The following KIF18A variants were observed in gnomAD, a reference collection of about 807,000 sequenced individuals.
KIF18A encodes the protein kinesin-like protein KIF18A.
In KIF18A, 67 loss-of-function variants were observed where a neutral mutation model predicts 103.3. The observed-to-expected ratio is 0.65, with a 90% CI of 0.53 to 0.79. The LOEUF (loss-of-function observed/expected upper bound fraction) is 0.79. Among genes scored for constraint, KIF18A ranks in the 30% least tolerant of loss-of-function variants. The probability of loss-of-function intolerance (pLI) is 0.00; values close to 1 mark genes in which losing one functional copy is unlikely to be tolerated. For missense variants in KIF18A, 1,032 were observed against 1,062.5 expected (o/e 0.97, Z 0.40); for synonymous variants, 367 against 355.5 (o/e 1.03, Z -0.36).
chr11:28,038,837 T>A (rs767008479), intron 13 of KIF18A, among the ~76,000 whole-genome samples: 6 of 151,730 alleles, frequency 4.0e-5, no homozygotes, highest in African/African-American at 9.7e-5. Flanking sequence ...TAACATGACA[T>A]TTGTCAAATT....
chr11:28,034,249 T>C (rs1850450301), intron 15 of KIF18A, among the ~76,000 whole-genome samples: 1 of 151,772 alleles, frequency 6.6e-6, no homozygotes, highest in African/African-American at 2.4e-5. Flanking sequence ...ACTGCTCCCA[T>C]GATGTTTTTT....
At chr11:28,091,290 T>C (rs1373497843) in intron 4 of KIF18A, 119 bp downstream of exon 4, 2 of 600,750 alleles carry the variant, frequency 3.3e-6, no homozygotes, top group African/African-American at 3.8e-5. Flanking sequence ...ATCATTTAAA[T>C]TCTGTACCTC....
rs563219052 is a variant in KIF18A at position 28,030,868 on chromosome 11, G to A, written c.2504+4519C>T. Among the ~76,000 whole-genome samples, 236 of 149,768 alleles carry A rather than the reference G, an allele frequency of 1.6e-3. 1 individual carries two copies. The highest frequency in any genetic ancestry group is 4.1e-3 in the African/African-American group (167 of 40,604). On this transcript the variant is annotated intron_variant, in intron 15 of 16. Coordinates refer to ENST00000263181, the MANE Select transcript of KIF18A (RefSeq NM_031217.4). ...CAAACAACCCCATCAAAAAGTGGGC[G>A]AAGGACATGAACAGACACTTCTCAA...
In KIF18A at chr11:28,062,465, A is replaced by G. The variant is rs752291243; in HGVS notation, c.1642T>C (p.Leu548=). The G allele has an allele frequency of 6.2e-7, 1 of 1,611,958 alleles. No homozygotes were observed. Among genetic ancestry groups the G allele is most frequent in the Non-Finnish European group, 8.5e-7 (1 of 1,178,682 alleles). The change falls in exon 12 of 17, where the codon TTG becomes CTG. Residue 548 remains leucine (L), a synonymous_variant. Coordinates refer to ENST00000263181, the MANE Select transcript of KIF18A (RefSeq NM_031217.4). The stretch of plus-strand genomic sequence containing the variant: ...ATCATATGTCTAATTTGTGCTTTCA[A>G]ATCTTTGTTCTGGAGGTGCAAATGG... The part of the protein sequence containing the change: ...CHHLHLQNKD[L]KAQIRHMMDL...
intron 13 of KIF18A, among the ~76,000 whole-genome samples, chr11:28,043,349 A>AT (rs981993135): frequency 1.3e-5 from 2 of 151,836 alleles, no homozygotes; most frequent in African/African-American, 2.4e-5. Context: ...ACAGGAATAT[A>AT]TTTTTTCCCC....
intron 3 of KIF18A, among the ~76,000 whole-genome samples, chr11:28,091,860 G>A (rs552010406): frequency 6.6e-6 from 1 of 152,144 alleles, no homozygotes; most frequent in Non-Finnish European, 1.5e-5. Flanking sequence ...CTGTCTCCCA[G>A]GCTGGAGTAC....
At chr11:28,080,781 T>C (rs2133550688) in intron 9 of KIF18A, among the ~76,000 whole-genome samples, 1 of 152,258 alleles carries the variant, frequency 6.6e-6, no homozygotes, top group South Asian at 2.1e-4. Context: ...ATTACTAAGC[T>C]TCTAAGGAAG....
intron 10 of KIF18A, among the ~76,000 whole-genome samples, chr11:28,075,870 A>C (rs1398717352): frequency 6.6e-6 from 1 of 152,172 alleles, no homozygotes; most frequent in Non-Finnish European, 1.5e-5. Flanking sequence ...TCTATACAAA[A>C]TACATGGGTT....
rs576435211 is a variant in KIF18A, at chr11:28,088,307, A to T, written c.897+217T>A. ...ATCTGGTATTCATTACTTTCTATTT[A>T]ACCAATTCTCATTATAAAACTGGAA... On this transcript the variant is annotated intron_variant, in intron 6 of 16. Transcript: ENST00000263181. 2.3e-4 allele frequency among the ~76,000 whole-genome samples: 35 copies of T among 152,282 alleles called. 1 individual carries two copies. The South Asian group carries it at 2.5e-3, about 11-fold the overall frequency.
intron 15 of KIF18A, among the ~76,000 whole-genome samples, chr11:28,027,680 A>G (rs542091577): frequency 2.4e-4 from 37 of 152,120 alleles, no homozygotes; most frequent in Non-Finnish European, 4.3e-4. Context: ...CAAATGAATA[A>G]TAAGTAACAA....
At chr11:28,064,813 T>A (rs1850897913) in intron 11 of KIF18A, among the ~76,000 whole-genome samples, 1 of 152,182 alleles carries the variant, frequency 6.6e-6, no homozygotes, top group Middle Eastern at 3.4e-3. Flanking sequence ...ACATGGCTTA[T>A]TTTGAGAACT....
At chr11:28,046,551 TA>T (rs1223390315) in intron 13 of KIF18A, among the ~76,000 whole-genome samples, 1 of 66,182 alleles carries the variant, frequency 1.5e-5, no homozygotes, top group Non-Finnish European at 2.8e-5. Context: ...TGTTGTGGGG[TA>T]GGGGGAGGGG....
intron 2 of KIF18A, among the ~76,000 whole-genome samples, chr11:28,096,947 T>C (rs1224323346): frequency 4.0e-5 from 6 of 151,862 alleles, no homozygotes; most frequent in African/African-American, 7.3e-5. Context: ...GCACTAAAGA[T>C]GCTTCTTGGG....
chr11:28,084,513 A>G (rs1208506888), intron 7 of KIF18A, 119 bp downstream of exon 7: 2 of 742,618 alleles, frequency 2.7e-6, no homozygotes, highest in Non-Finnish European at 4.2e-6. Flanking sequence ...AGACCCTTCT[A>G]ACCCTCAGCT....
At position 28,080,349 on chromosome 11, in the gene KIF18A, T is replaced by G. The variant is rs925258182; in HGVS notation, c.1262+2507A>C. Reference sequence around the variant, plus strand: ...GTTTTATTGTGCTTTGCAGACACTGTTTTTTTTTTTTTTTTTTAAACAAAC... The same window carrying G: ...GTTTTATTGTGCTTTGCAGACACTGGTTTTTTTTTTTTTTTTTAAACAAAC... On this transcript the variant is annotated intron_variant, in intron 9 of 16. Coordinates refer to ENST00000263181, the MANE Select transcript of KIF18A (RefSeq NM_031217.4). Among the ~76,000 whole-genome samples, 10 of 28,336 alleles carry G rather than the reference T, an allele frequency of 3.5e-4. No homozygotes were observed. In the South Asian group the frequency reaches 6.8e-3, roughly 19 times the overall value. 18.6% of individuals were successfully genotyped at this position (28,336 alleles called of 152,430 possible). A position where few individuals can be genotyped will look rare whatever the true frequency, so the allele number is the denominator to read the frequency against.
chr11:28,060,300 A>G (rs572310107), intron 12 of KIF18A, among the ~76,000 whole-genome samples: 1 of 152,350 alleles, frequency 6.6e-6, no homozygotes, highest in East Asian at 1.9e-4. Context: ...GTTGACTCAT[A>G]ACATCGAGGA....
At chr11:28,065,808 C>A (rs970989219) in intron 11 of KIF18A, among the ~76,000 whole-genome samples, 1 of 151,962 alleles carries the variant, frequency 6.6e-6, no homozygotes, top group Non-Finnish European at 1.5e-5. Flanking sequence ...ACATATAATA[C>A]AAGCATAATG....
Position 28,069,330 on chromosome 11 carries a change from C to T in KIF18A, c.1519G>A (p.Glu507Lys). Residue 507 changes from glutamate (E) to lysine (K), a missense_variant, in exon 11 of 17, where the codon GAG becomes AAG. Physicochemically the swap from Glu to Lys is moderately conservative, Grantham distance 56. Transcript: ENST00000263181. ...RREEELKQFD[E>K]NTNWLHRVEK... The stretch of plus-strand genomic sequence containing the variant: ...ACACGATGGAGCCAATTAGTATTCT[C>T]ATCAAATTGCTTCAATTCCTCCTCC... 6.2e-7 allele frequency: 1 copy of T among 1,613,528 alleles called. No individual in the cohort carries two copies. Among genetic ancestry groups the T allele is most frequent in the South Asian group, 1.1e-5 (1 of 91,070 alleles).
At chr11:28,032,777 T>C (rs549847740) in intron 15 of KIF18A, among the ~76,000 whole-genome samples, 1 of 151,876 alleles carries the variant, frequency 6.6e-6, no homozygotes, top group East Asian at 1.9e-4. Flanking sequence ...AAAGAAAACA[T>C]TGGGGAAACT....
Sources: gnomAD v4.1 joint callset for allele counts (sites outside exome capture counted in the v4.1 genomes callset) on GRCh38, gnomAD v4.1.1 for gene constraint, MANE v1.5 for transcripts, NCBI Gene and HGNC (gene_info 2026-07-23, HGNC 2026-07-21) for gene names.